The following NAALADL2 variants were observed in gnomAD, a reference collection of about 807,000 sequenced individuals.
The protein encoded by NAALADL2 is inactive N-acetylated-alpha-linked acidic dipeptidase-like protein 2.
Under a neutral mutation model 87.2 loss-of-function variants are expected in NAALADL2, and 76 were observed. The ratio of observed to expected loss-of-function variants is 0.87; its 90% CI spans 0.72 to 1.05. The LOEUF (loss-of-function observed/expected upper bound fraction) is 1.05. NAALADL2 is among the 50% of genes least tolerant of loss of function. The pLI, the probability that NAALADL2 is intolerant of heterozygous loss-of-function variation, is 0.00. For missense variants in NAALADL2, 1,089 were observed against 945.8 expected (o/e 1.15, Z -1.99); for synonymous variants, 354 against 331.0 (o/e 1.07, Z -0.75).
chr3:174,598,142 GA>G (rs1280215678), intron 2 of NAALADL2, among the ~76,000 whole-genome samples: 1 of 152,016 alleles, frequency 6.6e-6, no homozygotes, highest in Non-Finnish European at 1.5e-5. Context: ...ATTTCATTCT[GA>G]AAAAGTTACT....
At chr3:175,301,757 C>A (rs889977513) in intron 4 of NAALADL2, among the ~76,000 whole-genome samples, 1 of 152,186 alleles carries the variant, frequency 6.6e-6, no homozygotes, top group Admixed American at 6.5e-5. Context: ...TGGAATATAT[C>A]TCTAAAGTAA....
At position 175,059,578 on chromosome 3, in the gene NAALADL2, C is replaced by T; in HGVS notation, c.44-37212C>T. The T allele has an allele frequency of 9.5e-6, 3 of 314,204 alleles. No homozygotes were observed. In the South Asian group the frequency reaches 1.0e-4, roughly 11 times the overall value. 19.5% of individuals were successfully genotyped at this position (314,204 alleles called of 1,614,324 possible). A position where few individuals can be genotyped will look rare whatever the true frequency, so the allele number is the denominator to read the frequency against. ...ATTCCTCTAGTTTTGCCATATCTGC[C>T]ACATCATCCCACGGTTTCACATCAG... is the stretch of plus-strand genomic sequence containing the variant. On this transcript the variant is annotated intron_variant, in intron 1 of 13. Coordinates refer to ENST00000454872, the MANE Select transcript of NAALADL2 (RefSeq NM_207015.3).
chr3:175,231,163 T>C (rs1422955057), intron 2 of NAALADL2, among the ~76,000 whole-genome samples: 1 of 151,930 alleles, frequency 6.6e-6, no homozygotes, highest in East Asian at 1.9e-4. Flanking sequence ...GATATACATA[T>C]ATGTATATAA....
chr3:174,508,120 T>TTTTTTTTGTTTTTG (rs1553775298), intron 1 of NAALADL2, among the ~76,000 whole-genome samples: 1 of 142,584 alleles, frequency 7.0e-6, no homozygotes, highest in African/African-American at 2.6e-5. Context: ...AGTGGTTTTT[T>TTTTTTTTGTTTTTG]TTTTTTTTTT....
chr3:175,235,481 C>T (rs1581046391), intron 3 of NAALADL2: 1 of 152,126 alleles, frequency 6.6e-6, no homozygotes, highest in Non-Finnish European at 1.5e-5. Context: ...ATATTATGCT[C>T]TTTCTGGCAG....
At chr3:175,457,935 A>G (rs1722564861) in intron 6 of NAALADL2, among the ~76,000 whole-genome samples, 2 of 151,948 alleles carry the variant, frequency 1.3e-5, no homozygotes, top group Non-Finnish European at 2.9e-5. Context: ...GTCATTACTT[A>G]ATTAGGATTT....
intron 5 of NAALADL2, among the ~76,000 whole-genome samples, chr3:175,331,896 T>C (rs1300976263): frequency 1.3e-5 from 2 of 152,150 alleles, no homozygotes; most frequent in Non-Finnish European, 2.9e-5. Context: ...AGTTGCAGGA[T>C]ACAAAATCAA....
chr3:174,799,525 C>A (rs911891812), intron 3 of NAALADL2, among the ~76,000 whole-genome samples: 3 of 152,164 alleles, frequency 2.0e-5, no homozygotes, highest in Non-Finnish European at 4.4e-5. Context: ...TCCTTGCCTT[C>A]CACCATGACT....
At chr3:175,636,198 T>TTGTGTG (rs3040732) in intron 11 of NAALADL2, among the ~76,000 whole-genome samples, 1 of 150,862 alleles carries the variant, frequency 6.6e-6, no homozygotes, top group Non-Finnish European at 1.5e-5. Context: ...AAATCCTAAA[T>TTGTGTG]TGTGTGTGTG....
chr3:174,985,446 A>G (rs959603101), intron 1 of NAALADL2, among the ~76,000 whole-genome samples: 5 of 152,180 alleles, frequency 3.3e-5, no homozygotes, highest in Non-Finnish European at 5.9e-5. Flanking sequence ...CTTTTGAGGT[A>G]GATGTGAACT....
chr3:175,411,693 T>C (rs958576804), intron 5 of NAALADL2, among the ~76,000 whole-genome samples: 8 of 152,112 alleles, frequency 5.3e-5, no homozygotes, highest in South Asian at 2.1e-4. Context: ...CTGTGTCCAT[T>C]TGAAATCCAG....
At chr3:175,383,960 G>A (rs1005358944) in intron 5 of NAALADL2, among the ~76,000 whole-genome samples, 2 of 151,902 alleles carry the variant, frequency 1.3e-5, no homozygotes, top group East Asian at 1.9e-4. Flanking sequence ...GATTTTTACC[G>A]TGTGGTTCAT....
intron 2 of NAALADL2, among the ~76,000 whole-genome samples, chr3:174,609,647 C>A (rs971132341): frequency 6.6e-6 from 1 of 152,014 alleles, no homozygotes; most frequent in Non-Finnish European, 1.5e-5. Flanking sequence ...ACAAACCACT[C>A]CTCAATGAAA....
chr3:175,794,081 T>C (rs1241154584), intron 13 of NAALADL2, among the ~76,000 whole-genome samples: 2 of 152,140 alleles, frequency 1.3e-5, no homozygotes, highest in Non-Finnish European at 2.9e-5. Context: ...CCAGAGGTAA[T>C]GGAGGTAACT....
chr3:175,212,529 C>A (rs1205160212), intron 2 of NAALADL2, among the ~76,000 whole-genome samples: 1 of 151,666 alleles, frequency 6.6e-6, no homozygotes, highest in Admixed American at 6.6e-5. Flanking sequence ...TCAGGAAAGA[C>A]CATGAATCAT....
chr3:174,545,134 C>T (rs1035973118), intron 1 of NAALADL2, among the ~76,000 whole-genome samples: 2 of 151,996 alleles, frequency 1.3e-5, no homozygotes, highest in Non-Finnish European at 2.9e-5. Context: ...GTGTCTTGGC[C>T]TCCTAAATGT....
At chr3:175,640,743 T>C (rs1729169179) in intron 11 of NAALADL2, among the ~76,000 whole-genome samples, 3 of 152,230 alleles carry the variant, frequency 2.0e-5, no homozygotes, top group Non-Finnish European at 4.4e-5. Context: ...TGAGTGTATA[T>C]GCATACCATG....
At chr3:175,460,254 C>T (rs966653880) in intron 6 of NAALADL2, 2 of 450,940 alleles carry the variant, frequency 4.4e-6, no homozygotes, top group Non-Finnish European at 8.9e-6. Context: ...GGTGCTGACT[C>T]TAGTGAAAAT....
At chr3:175,155,950 A>T (rs1313976497) in intron 2 of NAALADL2, among the ~76,000 whole-genome samples, 2 of 152,222 alleles carry the variant, frequency 1.3e-5, no homozygotes, top group African/African-American at 2.4e-5. Context: ...AGATGTTAAG[A>T]GGAAGAGGAA....
Sources: gnomAD v4.1 joint callset for allele counts (sites outside exome capture counted in the v4.1 genomes callset) on GRCh38, gnomAD v4.1.1 for gene constraint, MANE v1.5 for transcripts, NCBI Gene and HGNC (gene_info 2026-07-23, HGNC 2026-07-21) for gene names.